Variants in LRBA observed in about 807,000 individuals in gnomAD.
LRBA encodes the protein LPS responsive beige-like anchor protein, also known as lipopolysaccharide-responsive and beige-like anchor protein.
In LRBA, 176 loss-of-function variants were observed where a neutral mutation model predicts 330.0. The observed-to-expected ratio is 0.53, with a 90% confidence interval of 0.47 to 0.60. The LOEUF is 0.60. Ranked by LOEUF, LRBA falls within the 20% of genes least tolerant of loss-of-function variation. The pLI, the probability that LRBA is intolerant of heterozygous loss-of-function variation, is 0.00. For synonymous variants in LRBA, 1,230 were observed against 1,193.0 expected (o/e 1.03, Z -0.64); for missense variants, 3,259 against 3,444.8 (o/e 0.95, Z 1.35).
intron 51 of LRBA, 26 bp downstream of exon 51, chr4:150,315,535 C>T (rs372660981): frequency 1.5e-5 from 24 of 1,599,716 alleles, no homozygotes; most frequent in East Asian, 1.1e-4. Flanking sequence ...CTTAATGAAT[C>T]GCAAAGAGAG....
intron 48 of LRBA, among the ~76,000 whole-genome samples, chr4:150,348,342 T>C (rs1736688849): frequency 6.6e-6 from 1 of 152,180 alleles, no homozygotes; most frequent in Non-Finnish European, 1.5e-5. Flanking sequence ...TAATGAAAAG[T>C]AGAGCTACTT....
chr4:150,606,709 C>T (rs1243549569), intron 37 of LRBA, among the ~76,000 whole-genome samples: 2 of 152,104 alleles, frequency 1.3e-5, no homozygotes, highest in Non-Finnish European at 2.9e-5. Flanking sequence ...AGTCTGATGA[C>T]GTCTAAGCCA....
intron 53 of LRBA, 29 bp from the exon 54 acceptor site, chr4:150,286,063 A>G: frequency 1.4e-6 from 2 of 1,404,732 alleles, no homozygotes; most frequent in Non-Finnish European, 1.9e-6. Context: ...AAAAAGAACA[A>G]ATCAATTCAA....
At chr4:150,944,031 C>T (rs1735968263) in intron 2 of LRBA, among the ~76,000 whole-genome samples, 1 of 152,194 alleles carries the variant, frequency 6.6e-6, no homozygotes. Context: ...ATGTAAGTAA[C>T]CCTGAAAGCA....
At chr4:150,272,517 G>A (rs532035874) in intron 56 of LRBA, among the ~76,000 whole-genome samples, 3 of 151,812 alleles carry the variant, frequency 2.0e-5, no homozygotes, top group Non-Finnish European at 2.9e-5. Flanking sequence ...AAACTCCTCC[G>A]AGCTAAAGGA....
intron 41 of LRBA, among the ~76,000 whole-genome samples, chr4:150,490,062 A>ATTAT (rs1169536571): frequency 6.6e-6 from 1 of 151,658 alleles, no homozygotes; most frequent in Admixed American, 6.6e-5. Flanking sequence ...CATTCTCTTG[A>ATTAT]TTATTTGCCT....
chr4:150,657,104 G>A (rs1780268887), intron 37 of LRBA, among the ~76,000 whole-genome samples: 2 of 152,166 alleles, frequency 1.3e-5, no homozygotes, highest in African/African-American at 4.8e-5. Context: ...GAAGGGGGAA[G>A]TACAAGTGTA....
At chr4:150,616,522 CAAGT>C (rs994326114) in intron 37 of LRBA, among the ~76,000 whole-genome samples, 1 of 152,066 alleles carries the variant, frequency 6.6e-6, no homozygotes, top group Non-Finnish European at 1.5e-5. Flanking sequence ...ATCAAAAAGT[CAAGT>C]AAGAAGAAAA....
At chr4:150,877,113 C>T (rs143171815) in intron 17 of LRBA, among the ~76,000 whole-genome samples, 1 of 151,902 alleles carries the variant, frequency 6.6e-6, no homozygotes, top group African/African-American at 2.4e-5. Context: ...AAAAAATTAG[C>T]CAACCATGGT....
chr4:150,282,373 C>G (rs561825177), intron 55 of LRBA, 77 bp downstream of exon 55: 1 of 1,331,314 alleles, frequency 7.5e-7, no homozygotes, highest in African/African-American at 1.5e-5. Flanking sequence ...AGGTTTCTTT[C>G]GCGAACCCTC....
At chr4:150,941,834 CAGAA>C in intron 2 of LRBA, among the ~76,000 whole-genome samples, 1 of 147,916 alleles carries the variant, frequency 6.8e-6, no homozygotes, top group East Asian at 2.0e-4. Context: ...TTGCAGTGAG[CAGAA>C]ATCAAGCCAT....
chr4:150,506,103 A>G (rs1020399117), intron 40 of LRBA, among the ~76,000 whole-genome samples: 4 of 152,212 alleles, frequency 2.6e-5, no homozygotes, highest in South Asian at 2.1e-4. Context: ...CCAACCAAAA[A>G]AAGTCCAGGA....
intron 40 of LRBA, among the ~76,000 whole-genome samples, chr4:150,558,094 T>C (rs2152263171): frequency 6.6e-6 from 1 of 152,256 alleles, no homozygotes; most frequent in Non-Finnish European, 1.5e-5. Context: ...AGATGGGTTT[T>C]TGCCACATTG....
chr4:150,316,991 C>A (rs548603733), intron 50 of LRBA, among the ~76,000 whole-genome samples: 1 of 152,052 alleles, frequency 6.6e-6, no homozygotes, highest in Admixed American at 6.6e-5. Context: ...GCTCCTGGAA[C>A]GGTCATGGCC....
intron 17 of LRBA, among the ~76,000 whole-genome samples, chr4:150,874,525 G>T (rs1387865845): frequency 6.6e-6 from 1 of 152,182 alleles, no homozygotes; most frequent in Non-Finnish European, 1.5e-5. Context: ...GCCTGGGGTG[G>T]GAGGAAAGCT....
At chr4:150,573,721 G>A (rs2152287454) in intron 40 of LRBA, among the ~76,000 whole-genome samples, 1 of 152,260 alleles carries the variant, frequency 6.6e-6, no homozygotes, top group African/African-American at 2.4e-5. Flanking sequence ...TACAGTTTGA[G>A]GGAAAACTAA....
intron 40 of LRBA, among the ~76,000 whole-genome samples, chr4:150,520,051 G>A (rs1045272494): frequency 6.6e-6 from 1 of 151,982 alleles, no homozygotes; most frequent in Non-Finnish European, 1.5e-5. Context: ...TTATTGATTT[G>A]CTAATATTTA....
intron 9 of LRBA, among the ~76,000 whole-genome samples, chr4:150,911,466 T>C (rs764665227): frequency 6.6e-6 from 1 of 152,242 alleles, no homozygotes; most frequent in South Asian, 2.1e-4. Flanking sequence ...CATATGGATT[T>C]TGTAATTCAC....
intron 35 of LRBA, among the ~76,000 whole-genome samples, chr4:150,757,684 A>T (rs557986032): frequency 6.6e-6 from 1 of 152,348 alleles, no homozygotes; most frequent in African/African-American, 2.4e-5. Context: ...TCAAGGCACT[A>T]AATATTTATA....
Sources: gnomAD v4.1 joint callset for allele counts (sites outside exome capture counted in the v4.1 genomes callset) on GRCh38, gnomAD v4.1.1 for gene constraint, MANE v1.5 for transcripts, NCBI Gene and HGNC (gene_info 2026-07-23, HGNC 2026-07-21) for gene names.